The following CPQ variants were observed in gnomAD, a reference collection of about 807,000 sequenced individuals.
CPQ encodes carboxypeptidase Q, also known as Ser-Met dipeptidase.
Under a neutral mutation model 45.7 loss-of-function variants are expected in CPQ, and 37 were observed. That is an observed-to-expected ratio of 0.81 (90% CI 0.62 to 1.07). The LOEUF is 1.07. CPQ is among the 50% of genes least tolerant of loss of function. CPQ has a pLI of 0.00. For missense variants in CPQ, 537 were observed against 572.9 expected (o/e 0.94, Z 0.64); for synonymous variants, 186 against 205.8 (o/e 0.90, Z 0.82).
chr8:96,763,890 T>C (rs1810436241), intron 1 of CPQ, among the ~76,000 whole-genome samples: 2 of 152,116 alleles, frequency 1.3e-5, no homozygotes, highest in South Asian at 2.1e-4. Context: ...CAAGTGTTGG[T>C]GAACATACAG....
At chr8:96,780,744 A>G (rs542195326) in intron 1 of CPQ, among the ~76,000 whole-genome samples, 2 of 114,778 alleles carry the variant, frequency 1.7e-5, no homozygotes, top group Admixed American at 9.9e-5. Flanking sequence ...GGATCTTGCT[A>G]TATTGCCCAG....
chr8:96,971,663 C>T (rs967550429), intron 5 of CPQ, among the ~76,000 whole-genome samples: 1 of 151,742 alleles, frequency 6.6e-6, no homozygotes, highest in Admixed American at 6.6e-5. Context: ...GCTTGTGAAG[C>T]TGTCCAGTCT....
At chr8:96,756,766 T>C (rs1435226178) in intron 1 of CPQ, among the ~76,000 whole-genome samples, 2 of 152,240 alleles carry the variant, frequency 1.3e-5, no homozygotes, top group African/African-American at 4.8e-5. Flanking sequence ...ATCTTGCAAT[T>C]GTTTAATGCT....
intron 1 of CPQ, among the ~76,000 whole-genome samples, chr8:96,783,104 A>G (rs1810711895): frequency 2.0e-5 from 3 of 152,214 alleles, no homozygotes; most frequent in East Asian, 3.9e-4. Context: ...ACTTCCCTTA[A>G]TACTGCATTC....
At chr8:97,072,524 C>T (rs1036714915) in intron 7 of CPQ, among the ~76,000 whole-genome samples, 9 of 152,068 alleles carry the variant, frequency 5.9e-5, no homozygotes, top group Non-Finnish European at 7.4e-5. Flanking sequence ...GCATCCAAAT[C>T]GGTAAAGAGG....
chr8:96,952,817 A>G (rs757769317), intron 4 of CPQ, among the ~76,000 whole-genome samples: 4 of 152,176 alleles, frequency 2.6e-5, no homozygotes, highest in Non-Finnish European at 4.4e-5. Flanking sequence ...AATAAATGTG[A>G]AAACAGGCAA....
chr8:96,752,637 T>C (rs1464524304), intron 1 of CPQ, among the ~76,000 whole-genome samples: 1 of 152,178 alleles, frequency 6.6e-6, no homozygotes, highest in Non-Finnish European at 1.5e-5. Flanking sequence ...CTTGCCTGAT[T>C]GCCCTGGCCA....
At chr8:96,922,533 T>G (rs1812822906) in intron 4 of CPQ, among the ~76,000 whole-genome samples, 1 of 152,206 alleles carries the variant, frequency 6.6e-6, no homozygotes. Context: ...CAAACATGAT[T>G]GAAAACTATT....
intron 2 of CPQ, among the ~76,000 whole-genome samples, chr8:96,832,579 A>T (rs1473262221): frequency 2.0e-5 from 3 of 152,166 alleles, no homozygotes; most frequent in Non-Finnish European, 4.4e-5. Context: ...GATATGTCCC[A>T]GGTACTCTGA....
intron 2 of CPQ, among the ~76,000 whole-genome samples, chr8:96,804,523 T>C (rs983447851): frequency 5.9e-5 from 9 of 152,108 alleles, no homozygotes; most frequent in African/African-American, 2.2e-4. Context: ...ATAATTTTTA[T>C]TTGATACAAG....
rs145839952 is a variant in CPQ, at chr8:96,757,001, T to C, written c.-34-27863T>C. Among the ~76,000 whole-genome samples, 722 of 152,260 alleles carry C rather than the reference T, an allele frequency of 4.7e-3. 11 individuals are homozygous for C. The highest frequency in any genetic ancestry group is 0.012 in the African/African-American group (509 of 41,532). ...GGTCCTTGTTTTTCTGAAAATGTAT[T>C]TATTTTTCCCTAATCCTTGACTGAT... On this transcript the variant is annotated intron_variant, in intron 1 of 7. Coordinates refer to ENST00000220763, the MANE Select transcript of CPQ (RefSeq NM_016134.4).
rs200241932 is a variant in CPQ at position 96,744,471 on chromosome 8, G to C, written c.-34-40393G>C. Among the ~76,000 whole-genome samples, 43 of 152,330 alleles carry C rather than the reference G, an allele frequency of 2.8e-4. No individual in the cohort carries two copies. The East Asian group carries it at 6.0e-3, about 21-fold the overall frequency. ...TCATGCTGGGAGCTGTAGACCGGAG[G>C]TGTTCCTATTCGGCCATCTTGGCTC... On this transcript the variant is annotated intron_variant, in intron 1 of 7. Coordinates refer to ENST00000220763, the MANE Select transcript of CPQ (RefSeq NM_016134.4).
At chr8:97,020,088 G>C (rs763764752) in intron 5 of CPQ, among the ~76,000 whole-genome samples, 4 of 151,994 alleles carry the variant, frequency 2.6e-5, no homozygotes, top group Non-Finnish European at 5.9e-5. Flanking sequence ...TCAAAACCAG[G>C]CAAATACATG....
At chr8:97,034,893 T>G (rs985935009) in intron 6 of CPQ, among the ~76,000 whole-genome samples, 7 of 146,244 alleles carry the variant, frequency 4.8e-5, no homozygotes, top group Non-Finnish European at 6.0e-5. Flanking sequence ...CCCTTTCTAT[T>G]TTTTTTTTTT....
At chr8:97,101,527 T>TAATC in intron 7 of CPQ, among the ~76,000 whole-genome samples, 1 of 150,926 alleles carries the variant, frequency 6.6e-6, no homozygotes, top group East Asian at 2.0e-4. Flanking sequence ...CAGACATCAC[T>TAATC]AATCAATCAC....
chr8:96,725,764 C>A (rs1249933979), intron 1 of CPQ, among the ~76,000 whole-genome samples: 2 of 151,946 alleles, frequency 1.3e-5, no homozygotes, highest in African/African-American at 4.8e-5. Context: ...AATCATTTTA[C>A]CAAAAAAGAC....
At chr8:97,104,245 T>G (rs1811363908) in intron 7 of CPQ, among the ~76,000 whole-genome samples, 1 of 152,190 alleles carries the variant, frequency 6.6e-6, no homozygotes, top group African/African-American at 2.4e-5. Flanking sequence ...AGTCGTTTTT[T>G]AATCTCTAAA....
intron 5 of CPQ, among the ~76,000 whole-genome samples, chr8:96,982,780 T>C (rs911997191): frequency 4.6e-5 from 7 of 152,216 alleles, no homozygotes; most frequent in Non-Finnish European, 1.0e-4. Flanking sequence ...TGATTCTCAT[T>C]GAGTCCAGGA....
chr8:96,819,091 G>A (rs1051389304), intron 2 of CPQ, among the ~76,000 whole-genome samples: 3 of 151,510 alleles, frequency 2.0e-5, no homozygotes, highest in African/African-American at 7.3e-5. Flanking sequence ...TTTTTTCTAT[G>A]GAAATTCCAT....
Sources: allele counts gnomAD v4.1 joint callset (sites outside exome capture counted in the v4.1 genomes callset), GRCh38; gene constraint gnomAD v4.1.1; transcripts MANE v1.5; gene names NCBI Gene and HGNC (gene_info 2026-07-23, HGNC 2026-07-21).